Variants in THEMIS observed in about 807,000 individuals in gnomAD.
THEMIS encodes thymocyte selection associated.
In THEMIS, 37 loss-of-function variants were observed where a neutral mutation model predicts 52.6. The observed-to-expected ratio is 0.70, with a 90% CI of 0.54 to 0.93. The LOEUF is 0.93. Ranked by LOEUF, THEMIS falls within the 40% of genes least tolerant of loss-of-function variation. THEMIS has a pLI of 0.00. For missense variants in THEMIS, 808 were observed against 763.1 expected, an observed-to-expected ratio of 1.06 and a Z score of -0.69; for synonymous variants, 292 against 272.7, an observed-to-expected ratio of 1.07 and a Z score of -0.70.
chr6:127,727,288 G>A (rs141198372), intron 4 of THEMIS, among the ~76,000 whole-genome samples: 1 of 152,252 alleles, frequency 6.6e-6, no homozygotes, highest in East Asian at 1.9e-4. Flanking sequence ...AGTGTAATCT[G>A]TAGCCAAAGG....
intron 1 of THEMIS, among the ~76,000 whole-genome samples, chr6:127,880,081 T>C (rs1780434583): frequency 6.6e-6 from 1 of 152,224 alleles, no homozygotes; most frequent in African/African-American, 2.4e-5. Flanking sequence ...CCTCTAATTA[T>C]ATTATGTATC....
chr6:127,806,399 A>G (rs763515804), intron 4 of THEMIS, among the ~76,000 whole-genome samples: 1 of 152,150 alleles, frequency 6.6e-6, no homozygotes, highest in Non-Finnish European at 1.5e-5. Context: ...GACACTATAG[A>G]TAAGGAGTGG....
At chr6:127,779,496 C>T (rs1212730883) in intron 4 of THEMIS, among the ~76,000 whole-genome samples, 1 of 152,096 alleles carries the variant, frequency 6.6e-6, no homozygotes, top group African/African-American at 2.4e-5. Context: ...CTCATTACTT[C>T]CCTCATTTTA....
intron 1 of THEMIS, among the ~76,000 whole-genome samples, chr6:127,873,111 A>G (rs946018645): frequency 6.6e-6 from 1 of 152,210 alleles, no homozygotes; most frequent in Non-Finnish European, 1.5e-5. Flanking sequence ...TATGCTGAAA[A>G]CTAAAAGATG....
At chr6:127,870,025 G>A (rs974047138) in intron 1 of THEMIS, among the ~76,000 whole-genome samples, 1 of 152,150 alleles carries the variant, frequency 6.6e-6, no homozygotes, top group Admixed American at 6.6e-5. Context: ...AAAGAGCTGG[G>A]TCTTACATCT....
chr6:127,913,538 C>G (rs562088919), intron 1 of THEMIS, among the ~76,000 whole-genome samples: 8 of 152,262 alleles, frequency 5.3e-5, no homozygotes, highest in African/African-American at 1.9e-4. Flanking sequence ...GAACCTGAAC[C>G]AGGTTAAATT....
intron 1 of THEMIS, among the ~76,000 whole-genome samples, chr6:127,864,982 A>G (rs1457205995): frequency 1.3e-5 from 2 of 152,128 alleles, no homozygotes; most frequent in Non-Finnish European, 2.9e-5. Context: ...AGTCACATGG[A>G]CAGGGCATCA....
chr6:127,740,534 G>A (rs933380613), intron 4 of THEMIS, among the ~76,000 whole-genome samples: 11 of 152,142 alleles, frequency 7.2e-5, no homozygotes, highest in Non-Finnish European at 1.3e-4. Context: ...TTCTTAACTG[G>A]CCTGAAACTT....
intron 4 of THEMIS, among the ~76,000 whole-genome samples, chr6:127,755,484 C>T (rs1775791000): frequency 6.6e-6 from 1 of 152,066 alleles, no homozygotes; most frequent in South Asian, 2.1e-4. Context: ...AACCATCTGG[C>T]ATATCAAGGC....
chr6:127,720,277 C>A (rs991127347), intron 4 of THEMIS, among the ~76,000 whole-genome samples: 8 of 151,756 alleles, frequency 5.3e-5, no homozygotes, highest in Non-Finnish European at 1.0e-4. Flanking sequence ...TAAATTAAAC[C>A]ACATTTTTAA....
intron 1 of THEMIS, among the ~76,000 whole-genome samples, chr6:127,880,571 T>TAAAAA (rs33909885): frequency 7.5e-6 from 1 of 133,006 alleles, no homozygotes; most frequent in Admixed American, 7.5e-5. Flanking sequence ...AAAGACAAAT[T>TAAAAA]AAAAAAAAAA....
intron 4 of THEMIS, among the ~76,000 whole-genome samples, chr6:127,734,635 C>T (rs1248617285): frequency 6.6e-6 from 1 of 151,750 alleles, no homozygotes; most frequent in Non-Finnish European, 1.5e-5. Context: ...CTTTGGGAGG[C>T]CGAGGCAGGC....
upstream of THEMIS, among the ~76,000 whole-genome samples, chr6:127,905,999 T>A (rs1781260869): frequency 6.9e-6 from 1 of 145,822 alleles, no homozygotes; most frequent in Non-Finnish European, 1.5e-5. Context: ...ATGAAATAAT[T>A]TAAATGTAAT....
At chr6:127,810,127 T>C (rs925375943) in intron 4 of THEMIS, among the ~76,000 whole-genome samples, 6 of 152,022 alleles carry the variant, frequency 3.9e-5, no homozygotes, top group Non-Finnish European at 7.4e-5. Flanking sequence ...GTTCTGTGAG[T>C]TTCTCTCCTA....
At chr6:127,725,021 G>A (rs534822640) in intron 4 of THEMIS, among the ~76,000 whole-genome samples, 6 of 151,950 alleles carry the variant, frequency 3.9e-5, no homozygotes, top group African/African-American at 1.4e-4. Flanking sequence ...AGCTACAAAG[G>A]ACCTCTCTTA....
At chr6:127,796,029 A>T (rs1468707098) in intron 4 of THEMIS, among the ~76,000 whole-genome samples, 4 of 152,220 alleles carry the variant, frequency 2.6e-5, no homozygotes, top group African/African-American at 9.6e-5. Flanking sequence ...TGCAAAATAA[A>T]TTTTTTCACA....
intron 1 of THEMIS, among the ~76,000 whole-genome samples, chr6:127,909,607 T>TA (rs1781361154): frequency 6.6e-6 from 1 of 152,154 alleles, no homozygotes; most frequent in South Asian, 2.1e-4. Flanking sequence ...GGTATCCTTA[T>TA]AGCAGCATGA....
At chr6:127,875,810 T>C (rs1052940585) in intron 1 of THEMIS, among the ~76,000 whole-genome samples, 1 of 152,210 alleles carries the variant, frequency 6.6e-6, no homozygotes, top group Non-Finnish European at 1.5e-5. Flanking sequence ...TGGTCATCTA[T>C]GTGTCATGTG....
intron 5 of THEMIS, among the ~76,000 whole-genome samples, chr6:127,715,575 C>G (rs976749710): frequency 6.6e-6 from 1 of 151,874 alleles, no homozygotes; most frequent in Admixed American, 6.6e-5. Flanking sequence ...GTTTTATTTT[C>G]CACGATACAA....
Sources: gnomAD v4.1 joint callset for allele counts (sites outside exome capture counted in the v4.1 genomes callset) on GRCh38, gnomAD v4.1.1 for gene constraint, MANE v1.5 for transcripts, NCBI Gene and HGNC (gene_info 2026-07-23, HGNC 2026-07-21) for gene names.